DPP10: variants seen among roughly 807,000 people sequenced by gnomAD.
DPP10 encodes the protein dipeptidyl peptidase like 10.
DPP10 carries 33 observed loss-of-function variants against 120.9 expected under a neutral mutation model. That is an observed-to-expected ratio of 0.27 (90% confidence interval 0.21 to 0.37). The LOEUF is 0.37. Ranked by LOEUF, DPP10 falls within the 10% of genes least tolerant of loss-of-function variation. The pLI is 1.00. For missense variants in DPP10, 816 were observed against 942.8 expected (o/e 0.87, Z 1.76); for synonymous variants, 337 against 326.1 (o/e 1.03, Z -0.36).
At chr2:115,054,109 C>T (rs1461470502) in intron 1 of DPP10, among the ~76,000 whole-genome samples, 1 of 152,102 alleles carries the variant, frequency 6.6e-6, no homozygotes. Context: ...TCACAGAGAT[C>T]AGTCAATTGA....
At chr2:115,283,662 G>A (rs2060249347) in intron 1 of DPP10, among the ~76,000 whole-genome samples, 1 of 151,956 alleles carries the variant, frequency 6.6e-6, no homozygotes, top group Non-Finnish European at 1.5e-5. Flanking sequence ...GTCAAATAAC[G>A]AACATTATTT....
chr2:115,212,509 A>G (rs2056581124), intron 1 of DPP10, among the ~76,000 whole-genome samples: 1 of 152,184 alleles, frequency 6.6e-6, no homozygotes, highest in Non-Finnish European at 1.5e-5. Flanking sequence ...GCTGGCACTC[A>G]GAGAGTTACT....
chr2:115,483,193 A>T (rs1485931579), intron 3 of DPP10, among the ~76,000 whole-genome samples: 1 of 152,094 alleles, frequency 6.6e-6, no homozygotes, highest in Non-Finnish European at 1.5e-5. Context: ...ACTTTATTGG[A>T]TACATACTCT....
At chr2:115,742,772 A>T (rs1480207975) in intron 9 of DPP10, among the ~76,000 whole-genome samples, 1 of 152,146 alleles carries the variant, frequency 6.6e-6, no homozygotes, top group Admixed American at 6.6e-5. Flanking sequence ...CCACTTTGGA[A>T]ACTGAAACAA....
At chr2:114,977,637 A>G (rs1699835589) in intron 1 of DPP10, among the ~76,000 whole-genome samples, 1 of 151,894 alleles carries the variant, frequency 6.6e-6, no homozygotes, top group Non-Finnish European at 1.5e-5. Context: ...GAAAGCAATC[A>G]CTCTGAGTTT....
intron 1 of DPP10, among the ~76,000 whole-genome samples, chr2:114,660,226 G>A (rs936667683): frequency 5.3e-5 from 8 of 152,136 alleles, no homozygotes; most frequent in African/African-American, 1.9e-4. Flanking sequence ...AAACAGATGT[G>A]TACATTAAGA....
chr2:115,290,392 A>G (rs2060604095), intron 1 of DPP10, among the ~76,000 whole-genome samples: 1 of 152,154 alleles, frequency 6.6e-6, no homozygotes, highest in African/African-American at 2.4e-5. Context: ...TGATAGAGGT[A>G]TACATATGTG....
chr2:114,557,238 T>C (rs181636818), intron 1 of DPP10, among the ~76,000 whole-genome samples: 43 of 152,282 alleles, frequency 2.8e-4, no homozygotes, highest in Admixed American at 2.7e-3. Context: ...ATGAGGCTGA[T>C]AGGCTGTAGC....
intron 3 of DPP10, among the ~76,000 whole-genome samples, chr2:115,476,785 C>A (rs578200027): frequency 6.6e-6 from 1 of 152,246 alleles, no homozygotes; most frequent in South Asian, 2.1e-4. Flanking sequence ...TACTAACAAA[C>A]TGAATTTAGC....
intron 5 of DPP10, among the ~76,000 whole-genome samples, chr2:115,682,371 A>C (rs1389570202): frequency 1.3e-5 from 2 of 151,898 alleles, no homozygotes; most frequent in Non-Finnish European, 2.9e-5. Context: ...TGAGGCTGTT[A>C]GTTTACTCAA....
intron 1 of DPP10, among the ~76,000 whole-genome samples, chr2:114,899,751 A>C (rs1383077921): frequency 2.0e-5 from 3 of 152,060 alleles, no homozygotes; most frequent in Non-Finnish European, 4.4e-5. Flanking sequence ...AGGTCAGGAG[A>C]TCGAGACCAT....
chr2:114,965,907 G>A (rs6730060), intron 1 of DPP10, among the ~76,000 whole-genome samples: 145,203 of 146,036 alleles, frequency 0.99, 72,194 homozygotes, highest in Middle Eastern at 1. Flanking sequence ...CAGGGCTTGC[G>A]GTGAGCCGAG....
intron 1 of DPP10, among the ~76,000 whole-genome samples, chr2:114,806,062 T>C (rs2106303110): frequency 6.6e-6 from 1 of 152,314 alleles, no homozygotes; most frequent in South Asian, 2.1e-4. Context: ...GCCCAGGCAC[T>C]TCTATGCAGA....
chr2:115,228,096 T>C (rs1482150274), intron 1 of DPP10, among the ~76,000 whole-genome samples: 1 of 151,952 alleles, frequency 6.6e-6, no homozygotes, highest in Non-Finnish European at 1.5e-5. Context: ...CTGATTTTTT[T>C]GTGTATTTAT....
intron 1 of DPP10, among the ~76,000 whole-genome samples, chr2:114,744,159 G>A (rs1214585591): frequency 1.3e-5 from 2 of 152,100 alleles, no homozygotes; most frequent in African/African-American, 2.4e-5. Flanking sequence ...CACAGTGATT[G>A]GACATGCAAC....
chr2:114,476,014 T>C (rs1354069611), intron 1 of DPP10, among the ~76,000 whole-genome samples: 1 of 152,186 alleles, frequency 6.6e-6, no homozygotes, highest in Non-Finnish European at 1.5e-5. Flanking sequence ...GGGCCAGGGT[T>C]TTTCTTCTAA....
At chr2:115,465,754 A>G (rs2074289978) in intron 3 of DPP10, among the ~76,000 whole-genome samples, 1 of 152,170 alleles carries the variant, frequency 6.6e-6, no homozygotes, top group African/African-American at 2.4e-5. Context: ...CCCATAAGGC[A>G]GAGGTTGCAG....
At chr2:115,331,823 G>A (rs529414665) in intron 2 of DPP10, among the ~76,000 whole-genome samples, 15 of 152,256 alleles carry the variant, frequency 9.9e-5, no homozygotes, top group African/African-American at 3.4e-4. Context: ...GATTCGGTTT[G>A]CCAGTATTTT....
At chr2:115,415,468 TG>T (rs1366412979) in intron 3 of DPP10, among the ~76,000 whole-genome samples, 12 of 152,100 alleles carry the variant, frequency 7.9e-5, no homozygotes, top group Non-Finnish European at 1.8e-4. Context: ...CTTTTGTATA[TG>T]GTCATAGGTA....
Sources: gnomAD v4.1 joint callset for allele counts (sites outside exome capture counted in the v4.1 genomes callset) on GRCh38, gnomAD v4.1.1 for gene constraint, MANE v1.5 for transcripts, NCBI Gene and HGNC (gene_info 2026-07-23, HGNC 2026-07-21) for gene names.